NCKAP1L: variants seen among roughly 807,000 people sequenced by gnomAD.
NCKAP1L encodes NCK associated protein 1 like.
Under a neutral mutation model 139.2 loss-of-function variants are expected in NCKAP1L, and 53 were observed. The observed-to-expected ratio is 0.38, with a 90% CI of 0.31 to 0.48. NCKAP1L has a LOEUF of 0.48. NCKAP1L is among the 20% of genes least tolerant of loss of function. The pLI is 0.98. For synonymous variants in NCKAP1L, 468 were observed against 499.7 expected, an observed-to-expected ratio of 0.94 and a Z score of 0.85; for missense variants, 1,151 against 1,381.9, an observed-to-expected ratio of 0.83 and a Z score of 2.65.
At chr12:54,500,375 C>T (rs751192189) in intron 2 of NCKAP1L, among the ~76,000 whole-genome samples, 158 bp from the exon 3 acceptor site, 2 of 152,208 alleles carry the variant, frequency 1.3e-5, no homozygotes, top group African/African-American at 2.4e-5. Flanking sequence ...CCGCCTGCCT[C>T]GGCCTCCCAA....
Position 54,511,958 on chromosome 12 carries a change from T to C in NCKAP1L, c.794T>C (p.Leu265Pro). 6.2e-7 allele frequency: 1 copy of C among 1,614,228 alleles called. No individual in the cohort carries two copies. Among genetic ancestry groups the C allele is most frequent in the Non-Finnish European group, 8.5e-7 (1 of 1,180,018 alleles). Residue 265 changes from leucine (L) to proline (P), a missense_variant, in exon 9 of 31, where the codon CTT (leucine) becomes CCT (proline). Leu to Pro is a moderately conservative substitution (Grantham distance 98, BLOSUM62 -3). Coordinates refer to ENST00000293373, the MANE Select transcript of NCKAP1L (RefSeq NM_005337.5). ...GTTTTCCCACCTACAGTTGGGTTTCTTCTTTGTCATGGGTGCCTCAACTCC... is the reference window on the plus strand; with the variant it reads ...GTTTTCCCACCTACAGTTGGGTTTCCTCTTTGTCATGGGTGCCTCAACTCC... ...VMERWIIIGF[L>P]LCHGCLNSNS...
Position 54,536,131 on chromosome 12 carries a change from A to T in NCKAP1L, c.2959A>T (p.Thr987Ser). Residue 987 changes from threonine (T) to serine (S), a missense_variant and splice_region_variant, in exon 28 of 31, where the codon ACT becomes TCT. Physicochemically the swap from Thr to Ser is moderately conservative, Grantham distance 58. Transcript: ENST00000293373. ...TTTTCCTTTTTCCCTCTCACCAGAT[A>T]CTTCATCTCCTGAGGAGGAATATAA... is the stretch of plus-strand genomic sequence containing the variant. ...VAAIANLKAD[T>S]SSPEEEYKVA... The T allele has an allele frequency of 6.2e-7, 1 of 1,608,164 alleles. No individual in the cohort carries two copies. Among genetic ancestry groups the T allele is most frequent in the Non-Finnish European group, 8.5e-7 (1 of 1,174,928 alleles).
At position 54,523,867 on chromosome 12, in the gene NCKAP1L, A is replaced by G; in HGVS notation, c.2067A>G (p.Thr689=). 1 of 1,614,154 alleles carries G rather than the reference A, an allele frequency of 6.2e-7. No individual in the cohort carries two copies. The highest frequency in any genetic ancestry group is 8.5e-7 in the Non-Finnish European group (1 of 1,179,994). The change falls in exon 20 of 31, where the codon ACA becomes ACG. Residue 689 remains threonine, a synonymous_variant. Coordinates refer to ENST00000293373, the MANE Select transcript of NCKAP1L (RefSeq NM_005337.5). ...TAAACTTGACAGAACTGGCACTGACAATGAATCATGTATACAGTTTCTCCG... is the reference window on the plus strand; with the variant it reads ...TAAACTTGACAGAACTGGCACTGACGATGAATCATGTATACAGTTTCTCCG... ...LHLNLTELAL[T]MNHVYSFSVF...
intron 3 of NCKAP1L, among the ~76,000 whole-genome samples, chr12:54,506,442 A>G (rs1043624183): frequency 2.0e-5 from 3 of 151,658 alleles, no homozygotes; most frequent in African/African-American, 7.3e-5. Context: ...TTGCTCTGTC[A>G]CCCAGGCTGG....
In NCKAP1L at chr12:54,516,315, C is replaced by A. The variant is rs1956931004; in HGVS notation, c.998+20C>A. On this transcript the variant is annotated intron_variant, in intron 10 of 30. Transcript: ENST00000293373. ...AAACAGGTAAAGGGTGGTGAATGCA[C>A]TCTCTGAGAGGGGATGGAATAGGAA... 4.4e-6 allele frequency: 7 copies of A among 1,608,678 alleles called. No homozygotes were observed. Among genetic ancestry groups the A allele is most frequent in the South Asian group, 3.3e-5 (3 of 90,932 alleles).
intron 3 of NCKAP1L, among the ~76,000 whole-genome samples, chr12:54,502,015 T>G (rs1196247735): frequency 6.6e-6 from 1 of 152,222 alleles, no homozygotes; most frequent in Non-Finnish European, 1.5e-5. Flanking sequence ...TTCATAGGCT[T>G]ATTGGCCATT....
chr12:54,520,605 A>C, intron 16 of NCKAP1L, 89 bp from the exon 17 acceptor site: 1 of 1,392,258 alleles, frequency 7.2e-7, no homozygotes, highest in South Asian at 1.2e-5. Context: ...CTAGCTCTTA[A>C]ACTCTATTTT....
chr12:54,538,928 G>A lies in NCKAP1L; in HGVS notation c.3228G>A (p.Lys1076=). The A allele has an allele frequency of 6.2e-7, 1 of 1,614,076 alleles. No homozygotes were observed. Among genetic ancestry groups the A allele is most frequent in the Non-Finnish European group, 8.5e-7 (1 of 1,179,954 alleles). The change falls in exon 30 of 31, where the codon AAG becomes AAA. Residue 1076 remains lysine (K), a synonymous_variant. Transcript: ENST00000293373. ...SLLQLGQETD[K]LKTRNRESIS... ...TGCAGCTGGGCCAGGAGACTGACAA[G>A]CTTAAAACCAGAAATCGAGAATCCA...
intron 18 of NCKAP1L, 26 bp downstream of exon 18, chr12:54,521,264 T>C: frequency 6.2e-7 from 1 of 1,612,068 alleles, no homozygotes; most frequent in Non-Finnish European, 8.5e-7. Flanking sequence ...TCTGTTTCAC[T>C]CTCCCCTCTG....
At chr12:54,533,552 T>G (rs953202335) in intron 26 of NCKAP1L, among the ~76,000 whole-genome samples, 2 of 151,886 alleles carry the variant, frequency 1.3e-5, no homozygotes, top group African/African-American at 4.8e-5. Context: ...GCAAAGTGTG[T>G]GTATGTTGGT....
intron 22 of NCKAP1L, among the ~76,000 whole-genome samples, chr12:54,529,275 G>A (rs924931211): frequency 1.3e-5 from 2 of 152,196 alleles, no homozygotes; most frequent in Non-Finnish European, 2.9e-5. Flanking sequence ...GTGTCTAGAA[G>A]TGCTTTTGTG....
In NCKAP1L at chr12:54,543,929, A is replaced by T. The variant is rs1006873866; in HGVS notation, c.*1244A>T. 6.6e-6 allele frequency: 1 copy of T among 152,210 alleles called. No individual in the cohort carries two copies. Among genetic ancestry groups the T allele is most frequent in the East Asian group, 1.9e-4 (1 of 5,200 alleles). The allele number at this position is 152,210 out of a possible 1,614,324, so 9.4% of individuals were successfully genotyped here. ...TAATTAGGGTCATGTCCATACTTTC[A>T]TGATGAAAGGGAAGCAGTTGTCGGT... On this transcript the variant is annotated 3_prime_UTR_variant, in exon 31 of 31. Coordinates refer to ENST00000293373, the MANE Select transcript of NCKAP1L (RefSeq NM_005337.5).
intron 30 of NCKAP1L, among the ~76,000 whole-genome samples, chr12:54,541,289 C>T (rs1592355551): frequency 6.6e-6 from 1 of 152,240 alleles, no homozygotes; most frequent in African/African-American, 2.4e-5. Context: ...GGGACTAGAA[C>T]CCAAGTTTCT....
chr12:54,536,625 TC>T, intron 28 of NCKAP1L: 1 of 313,078 alleles, frequency 3.2e-6, no homozygotes, highest in South Asian at 3.3e-5. Context: ...GCCACTGCAC[TC>T]CAGCATAGTG....
In NCKAP1L at chr12:54,508,395, A is replaced by G; in HGVS notation, c.370A>G (p.Asn124Asp). The G allele has an allele frequency of 6.2e-7, 1 of 1,613,938 alleles. No individual in the cohort carries two copies. ...CTATGTATTTTCCTTGTAGAATCTC[A>G]ACTTTGATTTCACTCGGAGTTACCT... Reference protein sequence around the residue: ...ACQCHFDINLNFDFTRSYLDL... With the variant: ...ACQCHFDINLDFDFTRSYLDL... The change falls in exon 5 of 31, where the codon AAC becomes GAC. Residue 124 changes from asparagine to aspartate, a missense_variant. By Grantham distance (23) the Asn-to-Asp change is conservative. Coordinates refer to ENST00000293373, the MANE Select transcript of NCKAP1L (RefSeq NM_005337.5).
At chr12:54,506,796 A>AAAAAAAAAATATATAT in intron 3 of NCKAP1L, among the ~76,000 whole-genome samples, 9 of 50,608 alleles carry the variant, frequency 1.8e-4, no homozygotes, top group East Asian at 1.1e-3. Context: ...AAAAAAAAAA[A>AAAAAAAAAATATATAT]ATATATATAT....
intron 29 of NCKAP1L, among the ~76,000 whole-genome samples, chr12:54,537,264 G>A (rs556807461): frequency 6.6e-6 from 1 of 152,242 alleles, no homozygotes; most frequent in African/African-American, 2.4e-5. Flanking sequence ...TGAATATTTG[G>A]AAAGATCATT....
intron 7 of NCKAP1L, chr12:54,510,412 C>A (rs1437003333): frequency 1.8e-5 from 7 of 397,584 alleles, no homozygotes; most frequent in Non-Finnish European, 3.0e-5. Flanking sequence ...CAGCCTCCAC[C>A]TCCTGGGCTC....
chr12:54,528,597 T>G (rs1592349274), intron 22 of NCKAP1L, among the ~76,000 whole-genome samples: 1 of 151,980 alleles, frequency 6.6e-6, no homozygotes, highest in Non-Finnish European at 1.5e-5. Context: ...TAAATAGTGG[T>G]CTGCTGTCAT....
Sources: gnomAD v4.1 joint callset for allele counts (sites outside exome capture counted in the v4.1 genomes callset) on GRCh38, gnomAD v4.1.1 for gene constraint, MANE v1.5 for transcripts, NCBI Gene and HGNC (gene_info 2026-07-23, HGNC 2026-07-21) for gene names.